Variants in SPIRE2 observed in about 807,000 individuals in gnomAD.
SPIRE2 encodes the protein protein spire homolog 2.
Under a neutral mutation model 80.7 loss-of-function variants are expected in SPIRE2, and 76 were observed. That is an observed-to-expected ratio of 0.94 (90% CI 0.78 to 1.14). The LOEUF (loss-of-function observed/expected upper bound fraction) is 1.14, where lower values mean the gene tolerates loss of function less well. Among genes scored for constraint, SPIRE2 ranks in the 50% most tolerant of loss-of-function variants. The pLI is 0.00. For missense variants in SPIRE2, 1,196 were observed against 1,015.3 expected (o/e 1.18, Z -2.42); for synonymous variants, 535 against 432.6 (o/e 1.24, Z -2.94).
In SPIRE2 at chr16:89,869,045, A is replaced by ACATATATAT. The variant is rs1185522189; in HGVS notation, c.1807-522_1807-521insCATATATAT. 1.0e-3 allele frequency among the ~76,000 whole-genome samples: 37 copies of ACATATATAT among 37,182 alleles called. 7 individuals are homozygous for ACATATATAT. The East Asian group carries it at 0.042, about 42-fold the overall frequency. The allele number at this position is 37,182 out of a possible 152,430, so 24.4% of individuals were successfully genotyped here. A position where few individuals can be genotyped will look rare whatever the true frequency, so the allele number is the denominator to read the frequency against. ...GATCTGTGTCTTAAAAAAAAAAAAA[A>ACATATATAT]AAAAAAAAATATATATATATATATA... On this transcript the variant is annotated intron_variant, in intron 13 of 14. Transcript: ENST00000378247.
rs768418397 is a variant in SPIRE2 at position 89,850,547 on chromosome 16, C to A, written c.532C>A (p.Arg178=). 7.4e-5 allele frequency: 112 copies of A among 1,512,294 alleles called. 1 individual carries two copies. The highest frequency in any genetic ancestry group is 9.1e-5 in the Non-Finnish European group (103 of 1,134,978). The allele number at this position is 1,512,294 out of a possible 1,614,324, so 93.7% of individuals were successfully genotyped here. ...CCAGGCCATGCGGCTGTGCGCGGCGCGGCTGACCGACCCCCGGGGCGCACA... is the reference window on the plus strand; with the variant it reads ...CCAGGCCATGCGGCTGTGCGCGGCGAGGCTGACCGACCCCCGGGGCGCACA... ...FAQAMRLCAA[R]LTDPRGAQAH... is the part of the protein sequence containing the mutation. The change falls in exon 3 of 15, where the codon CGG becomes AGG. Residue 178 remains arginine (R), a synonymous_variant. Coordinates refer to ENST00000378247, the MANE Select transcript of SPIRE2 (RefSeq NM_032451.2).
At chr16:89,834,644 G>A (rs544483293) in intron 1 of SPIRE2, among the ~76,000 whole-genome samples, 24 of 107,300 alleles carry the variant, frequency 2.2e-4, no homozygotes, top group African/African-American at 7.7e-4. Flanking sequence ...TAGAAGCCTG[G>A]ATAAGCATAG....
In SPIRE2 at chr16:89,828,623, G is replaced by T; in HGVS notation, c.73G>T (p.Glu25Ter). 7.5e-7 allele frequency: 1 copy of T among 1,332,228 alleles called. No homozygotes were observed. The highest frequency in any genetic ancestry group is 9.7e-7 in the Non-Finnish European group (1 of 1,030,370). The allele number at this position is 1,332,228 out of a possible 1,614,324, so 82.5% of individuals were successfully genotyped here. A position where few individuals can be genotyped will look rare whatever the true frequency, so the allele number is the denominator to read the frequency against. Residue 25 changes from glutamate to a stop codon, truncating the protein, a stop_gained, in exon 1 of 15, where the codon GAG becomes TAG. Coordinates refer to ENST00000378247, the MANE Select transcript of SPIRE2 (RefSeq NM_032451.2). LOFTEE classifies it high-confidence loss of function. The surrounding 1 kb of genome is among the most constrained non-coding windows in gnomAD (Gnocchi z 5.9). ...GCCGGAGCCCTGGGAGCTGTCCCTG[G>T]AGGAGGTGCTGAAGGCCTACGAGCA... ...GRPEPWELSL[E>*]EVLKAYEQPL...
intron 1 of SPIRE2, among the ~76,000 whole-genome samples, chr16:89,839,328 C>T (rs185758321): frequency 6.7e-6 from 1 of 149,794 alleles, no homozygotes; most frequent in African/African-American, 2.5e-5. Context: ...GAGCCGAGAT[C>T]GCGCCACTGC....
intron 13 of SPIRE2, among the ~76,000 whole-genome samples, chr16:89,869,044 AAAAAAAAAAATAT>A (rs1475298698): frequency 3.7e-5 from 3 of 81,734 alleles, no homozygotes; most frequent in Non-Finnish European, 6.8e-5. Context: ...AAAAAAAAAA[AAAAAAAAAAATAT>A]ATATATATAT....
intron 3 of SPIRE2, among the ~76,000 whole-genome samples, chr16:89,853,060 C>T (rs2041651880): frequency 1.3e-5 from 2 of 152,166 alleles, no homozygotes; most frequent in African/African-American, 2.4e-5. Context: ...TCCCCCTTGG[C>T]CTCCTGGGAC....
At chr16:89,853,941 C>T (rs549132268) in intron 3 of SPIRE2, among the ~76,000 whole-genome samples, 9 of 152,366 alleles carry the variant, frequency 5.9e-5, no homozygotes, top group Non-Finnish European at 1.0e-4. Context: ...TGCCACACTG[C>T]GCTGAGCCCC....
At chr16:89,843,088 C>A (rs1192890047) in intron 1 of SPIRE2, among the ~76,000 whole-genome samples, 2 of 152,250 alleles carry the variant, frequency 1.3e-5, no homozygotes, top group East Asian at 3.8e-4. Flanking sequence ...CACAGTCCCA[C>A]CTGCATGCCC....
intron 1 of SPIRE2, among the ~76,000 whole-genome samples, chr16:89,834,827 C>T (rs550824798): frequency 2.6e-4 from 36 of 140,890 alleles, no homozygotes; most frequent in Admixed American, 1.7e-3. Flanking sequence ...CGCGGTTGGC[C>T]GTCGTAGAAG....
intron 12 of SPIRE2, among the ~76,000 whole-genome samples, chr16:89,867,021 G>C (rs2041795547): frequency 1.3e-5 from 2 of 152,110 alleles, no homozygotes; most frequent in African/African-American, 4.8e-5. Flanking sequence ...TAGCTTCCAT[G>C]GTGCTTTTAT....
rs939914387 is a variant in SPIRE2, at chr16:89,828,492, C to T, written c.-59C>T. The T allele has an allele frequency of 1.1e-5, 11 of 991,842 alleles. No homozygotes were observed. Among genetic ancestry groups the T allele is most frequent in the Admixed American group, 6.1e-5 (1 of 16,266 alleles). The allele number at this position is 991,842 out of a possible 1,614,324, so 61.4% of individuals were successfully genotyped here. ...GGGCGGCCAGGCTGACCCTGCGCGG[C>T]GGAAGGCGCGGCTGCATGGACGCGG... On this transcript the variant is annotated 5_prime_UTR_variant, in exon 1 of 15. Coordinates refer to ENST00000378247, the MANE Select transcript of SPIRE2 (RefSeq NM_032451.2). This position sits in a 1 kb window ranked among gnomAD's most constrained non-coding sequence, Gnocchi z 5.9.
At chr16:89,857,119 A>G (rs1169845145) in intron 7 of SPIRE2, among the ~76,000 whole-genome samples, 1 of 142,464 alleles carries the variant, frequency 7.0e-6, no homozygotes, top group Non-Finnish European at 1.5e-5. Flanking sequence ...TTACAAGGCC[A>G]TTGGAATTTC....
chr16:89,868,364 G>C (rs1004444232), intron 13 of SPIRE2, 148 bp downstream of exon 13: 2 of 895,152 alleles, frequency 2.2e-6, no homozygotes, highest in Non-Finnish European at 3.5e-6. Context: ...TTCCAAGATA[G>C]TGTGCAGTTT....
At position 89,870,543 on chromosome 16, in the gene SPIRE2, A is replaced by G. The variant is rs2041831098; in HGVS notation, c.*271A>G. On this transcript the variant is annotated 3_prime_UTR_variant, in exon 15 of 15. Coordinates refer to ENST00000378247, the MANE Select transcript of SPIRE2 (RefSeq NM_032451.2). Reference sequence around the variant, plus strand: ...CAGGGTGGGTTTTCTCACTGAAGAGAGAAAGCAGAAGGTTCTAGATCCTGG... The same window carrying G: ...CAGGGTGGGTTTTCTCACTGAAGAGGGAAAGCAGAAGGTTCTAGATCCTGG... 1 of 384,564 alleles carries G rather than the reference A, an allele frequency of 2.6e-6. No individual in the cohort carries two copies. Among genetic ancestry groups the G allele is most frequent in the Admixed American group, 4.1e-5 (1 of 24,432 alleles). 23.8% of individuals were successfully genotyped at this position (384,564 alleles called of 1,614,324 possible). A position where few individuals can be genotyped will look rare whatever the true frequency, so the allele number is the denominator to read the frequency against.
At position 89,850,568 on chromosome 16, in the gene SPIRE2, G is replaced by A. The variant is rs776139412; in HGVS notation, c.553G>A (p.Ala185Thr). ...GGCGCGGCTGACCGACCCCCGGGGCGCACAGGCGCATTACCAGGCCGTGTG... is the reference window on the plus strand; with the variant it reads ...GGCGCGGCTGACCGACCCCCGGGGCACACAGGCGCATTACCAGGCCGTGTG... ...CAARLTDPRG[A>T]QAHYQAVCRA... Residue 185 changes from alanine to threonine, a missense_variant, in exon 3 of 15, where the codon GCA (alanine) becomes ACA (threonine). Coordinates refer to ENST00000378247, the MANE Select transcript of SPIRE2 (RefSeq NM_032451.2). 9.9e-6 allele frequency: 15 copies of A among 1,514,808 alleles called. No homozygotes were observed. The highest frequency in any genetic ancestry group is 2.5e-5 in the East Asian group (1 of 40,586). 93.8% of individuals were successfully genotyped at this position (1,514,808 alleles called of 1,614,324 possible). A position where few individuals can be genotyped will look rare whatever the true frequency, so the allele number is the denominator to read the frequency against.
chr16:89,870,192 GTCC>G lies in SPIRE2; in HGVS notation c.2068_2070del (p.Leu690del). ...GCGTTCCAGCCGCAAGAGCGTGGAC[GTCC>G]TCAACACTACGCCACGACGCAGTCG... On this transcript the variant is annotated inframe_deletion, in exon 15 of 15. Coordinates refer to ENST00000378247, the MANE Select transcript of SPIRE2 (RefSeq NM_032451.2). 1 of 1,610,004 alleles carries G rather than the reference GTCC, an allele frequency of 6.2e-7. No homozygotes were observed. Among genetic ancestry groups the G allele is most frequent in the Non-Finnish European group, 8.5e-7 (1 of 1,178,356 alleles).
intron 1 of SPIRE2, among the ~76,000 whole-genome samples, chr16:89,843,381 T>C (rs929020423): frequency 2.6e-5 from 4 of 152,050 alleles, no homozygotes; most frequent in Non-Finnish European, 5.9e-5. Flanking sequence ...GTTTCATCAA[T>C]GAAATACGTG....
At chr16:89,837,487 CAGGT>C (rs1598217902) in intron 1 of SPIRE2, among the ~76,000 whole-genome samples, 1 of 152,200 alleles carries the variant, frequency 6.6e-6, no homozygotes, top group Admixed American at 6.5e-5. Flanking sequence ...GGCACCTTCT[CAGGT>C]AGGATCTGAC....
At chr16:89,843,296 G>A (rs918620256) in intron 1 of SPIRE2, among the ~76,000 whole-genome samples, 3 of 152,168 alleles carry the variant, frequency 2.0e-5, no homozygotes, top group African/African-American at 4.8e-5. Context: ...TCTGTGAAAC[G>A]GGAAGTGGAG....
Sources: gnomAD v4.1 joint callset for allele counts (sites outside exome capture counted in the v4.1 genomes callset) on GRCh38, gnomAD v4.1.1 for gene constraint, Gnocchi (gnomAD v3.1) non-coding constraint, MANE v1.5 for transcripts, NCBI Gene and HGNC (gene_info 2026-07-23, HGNC 2026-07-21) for gene names.